The following PPFIA4 variants were observed in gnomAD, a reference collection of about 807,000 sequenced individuals.
The protein encoded by PPFIA4 is liprin-alpha-4.
In PPFIA4, 98 loss-of-function variants were observed where a neutral mutation model predicts 145.7. The ratio of observed to expected loss-of-function variants is 0.67; its 90% CI spans 0.57 to 0.80. The LOEUF is 0.80. Among genes scored for constraint, PPFIA4 ranks in the 30% least tolerant of loss-of-function variants. The pLI, the probability that PPFIA4 is intolerant of heterozygous loss-of-function variation, is 0.00. For synonymous variants in PPFIA4, 628 were observed against 649.6 expected, an observed-to-expected ratio of 0.97 and a Z score of 0.51; for missense variants, 1,457 against 1,632.7, an observed-to-expected ratio of 0.89 and a Z score of 1.85.
intron 28 of PPFIA4, 127 bp downstream of exon 28, chr1:203,071,887 G>T: frequency 2.4e-6 from 2 of 826,480 alleles, no homozygotes; most frequent in Non-Finnish European, 4.0e-6. Flanking sequence ...AGCCAGAGGG[G>T]ATGGGGATAA....
chr1:203,035,240 G>T, intron 1 of PPFIA4: 1 of 455,368 alleles, frequency 2.2e-6, no homozygotes, highest in Non-Finnish European at 4.4e-6. Flanking sequence ...CGCTCCTAGC[G>T]GCCCTGCCCC....
At chr1:203,044,857 C>G (rs1659955704) in intron 6 of PPFIA4, 72 bp downstream of exon 6, 3 of 1,280,372 alleles carry the variant, frequency 2.3e-6, no homozygotes, top group Non-Finnish European at 3.3e-6. Context: ...CCGGCTCTGC[C>G]TTAGTTCAGT....
At chr1:203,067,844 C>T (rs1376269161) in intron 26 of PPFIA4, 52 bp downstream of exon 26, 2 of 1,553,190 alleles carry the variant, frequency 1.3e-6, no homozygotes, top group Non-Finnish European at 1.8e-6. Flanking sequence ...TTGGCTGGTC[C>T]CTGCCTTGGG....
Position 203,059,225 on chromosome 1 carries a change from G to T in PPFIA4, c.2455G>T (p.Ala819Ser). 6.4e-7 allele frequency: 1 copy of T among 1,557,438 alleles called. No individual in the cohort carries two copies. The highest frequency in any genetic ancestry group is 8.7e-7 in the Non-Finnish European group (1 of 1,143,652). Residue 819 changes from alanine (A) to serine (S), a missense_variant, in exon 20 of 30, where the codon GCC becomes TCC. Physicochemically the swap from Ala to Ser is moderately conservative, Grantham distance 99. Transcript: ENST00000295706. ...EFSMQEPMVP[A>S]KLGTQAEKDR... ...CAGTATGCAGGAGCCTATGGTGCCT[G>T]CCAAGCTGGGGACCCAGGCAGAGAA...
intron 20 of PPFIA4, 64 bp downstream of exon 20, chr1:203,059,335 TG>T (rs1661204195): frequency 7.5e-7 from 1 of 1,341,332 alleles, no homozygotes. Flanking sequence ...TCCCTTCCCC[TG>T]GGCTGCTGTG....
At chr1:203,053,075 A>G (rs1414258033) in intron 14 of PPFIA4, among the ~76,000 whole-genome samples, 7 of 152,178 alleles carry the variant, frequency 4.6e-5, no homozygotes, top group Admixed American at 6.5e-5. Context: ...TACCATCCCT[A>G]TTTTACAGAT....
In PPFIA4 at chr1:203,071,747, G is replaced by A. The variant is rs752430312; in HGVS notation, c.3380G>A (p.Arg1127Gln). The A allele has an allele frequency of 1.2e-5, 20 of 1,612,238 alleles. No homozygotes were observed. The highest frequency in any genetic ancestry group is 7.7e-5 in the South Asian group (7 of 90,646). The change falls in exon 28 of 30, where the codon CGG (arginine) becomes CAG (glutamine). Residue 1127 changes from arginine to glutamine, a missense_variant. Physicochemically the swap from Arg to Gln is conservative, Grantham distance 43. Coordinates refer to ENST00000295706, the MANE Select transcript of PPFIA4 (RefSeq NM_001304331.2). ...FNNLLALGTD[R>Q]KLDDGDDKVF... ...AACCTGTTGGCCTTGGGCACAGACC[G>A]GAAGCTGGATGACGTGAGTACCTGG...
rs1571749501 is a variant in PPFIA4, at chr1:203,075,112, A to C, written c.3394-465A>C. Among the ~76,000 whole-genome samples, 1 of 151,762 alleles carries C rather than the reference A, an allele frequency of 6.6e-6. No individual in the cohort carries two copies. Among genetic ancestry groups the C allele is most frequent in the African/African-American group, 2.4e-5 (1 of 41,256 alleles). ...GCCAGGATTAGAAGCCAGGTGTCTG[A>C]CTCCCGCCCGACATAGTACTCTTCT... On this transcript the variant is annotated intron_variant, in intron 28 of 29. Transcript: ENST00000295706. The surrounding 1 kb of genome is among the most constrained non-coding windows in gnomAD (Gnocchi z 4.1).
Position 203,056,367 on chromosome 1 carries a change from C to T in PPFIA4, c.2107-8C>T. 6.2e-7 allele frequency: 1 copy of T among 1,613,456 alleles called. No homozygotes were observed. Among genetic ancestry groups the T allele is most frequent in the Non-Finnish European group, 8.5e-7 (1 of 1,179,598 alleles). On this transcript the variant is annotated splice_polypyrimidine_tract_variant and splice_region_variant and intron_variant, in intron 17 of 29. Coordinates refer to ENST00000295706, the MANE Select transcript of PPFIA4 (RefSeq NM_001304331.2). ...CTCTATCCCCTGACGGCTCCACTGTCTGTTCAGTCGCCAGTGTCTCGGGAA... is the reference window on the plus strand; with the variant it reads ...CTCTATCCCCTGACGGCTCCACTGTTTGTTCAGTCGCCAGTGTCTCGGGAA...
In PPFIA4 at chr1:203,076,320, C is replaced by CT. The variant is rs767106921; in HGVS notation, c.3575-20dup. The CT allele has an allele frequency of 1.9e-6, 3 of 1,601,686 alleles. No individual in the cohort carries two copies. In the South Asian group the frequency reaches 3.3e-5, roughly 18 times the overall value. The stretch of plus-strand genomic sequence containing the variant: ...TGCAACCTGCCTCACAGTGCGATGC[C>CT]TGTCTCTCTCTCTCCCTCAGCTCAC... On this transcript the variant is annotated intron_variant, in intron 29 of 29. Transcript: ENST00000295706.
At chr1:203,074,320 C>T (rs900864021) in intron 28 of PPFIA4, among the ~76,000 whole-genome samples, 1 of 152,082 alleles carries the variant, frequency 6.6e-6, no homozygotes, top group Non-Finnish European at 1.5e-5. Flanking sequence ...CAAACCTATA[C>T]AGCTTGTTAC....
At chr1:203,033,546 C>T (rs981955278) in intron 1 of PPFIA4, among the ~76,000 whole-genome samples, 10 of 152,170 alleles carry the variant, frequency 6.6e-5, no homozygotes, top group Non-Finnish European at 1.3e-4. Flanking sequence ...GAGGTGGGTA[C>T]TGTTATCATT....
chr1:203,057,574 C>T (rs529982423), intron 19 of PPFIA4, among the ~76,000 whole-genome samples: 1 of 152,334 alleles, frequency 6.6e-6, no homozygotes, highest in Non-Finnish European at 1.5e-5. Flanking sequence ...TCCTGTTCCT[C>T]CACCTTTTCT....
chr1:203,048,596 A>G lies in PPFIA4; in HGVS notation c.1238A>G (p.Glu413Gly). ...NQELARVRQR[E>G]KMNEDHNKRL... ...ACGGCTGTGCAGGTGCGCCAGCGGGAAAAGATGAATGAGGACCACAACAAG... is the reference window on the plus strand; with the variant it reads ...ACGGCTGTGCAGGTGCGCCAGCGGGGAAAGATGAATGAGGACCACAACAAG... Residue 413 changes from glutamate (E) to glycine (G), a missense_variant, in exon 11 of 30, where the codon GAA (glutamate) becomes GGA (glycine). Coordinates refer to ENST00000295706, the MANE Select transcript of PPFIA4 (RefSeq NM_001304331.2). This position sits in a 1 kb window ranked among gnomAD's most constrained non-coding sequence, Gnocchi z 5.8. 1.9e-6 allele frequency: 3 copies of G among 1,588,320 alleles called. No homozygotes were observed. Among genetic ancestry groups the G allele is most frequent in the Non-Finnish European group, 1.7e-6 (2 of 1,168,496 alleles).
chr1:203,032,811 G>C (rs1384009656), intron 1 of PPFIA4, among the ~76,000 whole-genome samples: 1 of 152,056 alleles, frequency 6.6e-6, no homozygotes, highest in East Asian at 1.9e-4. Flanking sequence ...ATATGGCTAG[G>C]TGAAACCTGT....
Position 203,076,738 on chromosome 1 carries a change from A to C in PPFIA4, c.*348A>C. On this transcript the variant is annotated 3_prime_UTR_variant, in exon 30 of 30. Transcript: ENST00000295706. Reference sequence around the variant, plus strand: ...CAGCCTGGTCTGCACTGCAACCTCCACCAGGACCAGGATCCTGGGCCACAG... The same window carrying C: ...CAGCCTGGTCTGCACTGCAACCTCCCCCAGGACCAGGATCCTGGGCCACAG... The C allele has an allele frequency of 6.3e-6, 2 of 317,104 alleles. No individual in the cohort carries two copies. Among genetic ancestry groups the C allele is most frequent in the Non-Finnish European group, 1.2e-5 (2 of 170,064 alleles). 19.6% of individuals were successfully genotyped at this position (317,104 alleles called of 1,614,324 possible). A position where few individuals can be genotyped will look rare whatever the true frequency, so the allele number is the denominator to read the frequency against.
chr1:203,033,753 C>A (rs1198506722), intron 1 of PPFIA4, among the ~76,000 whole-genome samples: 5 of 152,042 alleles, frequency 3.3e-5, no homozygotes, highest in Non-Finnish European at 7.4e-5. Flanking sequence ...CCGAGGTGGG[C>A]AGACAGCTGA....
intron 14 of PPFIA4, among the ~76,000 whole-genome samples, 179 bp downstream of exon 14, chr1:203,052,056 C>CCCCT (rs397957973): frequency 6.7e-6 from 1 of 149,776 alleles, no homozygotes; most frequent in Non-Finnish European, 1.5e-5. Flanking sequence ...CCCCCCCCCC[C>CCCCT]GCTTGCCTTG....
intron 13 of PPFIA4, 167 bp from the exon 14 acceptor site, chr1:203,051,602 C>T: frequency 7.6e-7 from 1 of 1,308,858 alleles, no homozygotes; most frequent in Non-Finnish European, 1.0e-6. Flanking sequence ...CATACGTCTG[C>T]TCTCTTGCTT....
Sources: allele counts gnomAD v4.1 joint callset (sites outside exome capture counted in the v4.1 genomes callset), GRCh38; gene constraint gnomAD v4.1.1; non-coding constraint Gnocchi (gnomAD v3.1); transcripts MANE v1.5; gene names NCBI Gene and HGNC (gene_info 2026-07-23, HGNC 2026-07-21).